CSMD1: variants seen among roughly 807,000 people sequenced by gnomAD.
The protein encoded by CSMD1 is CUB and sushi domain-containing protein 1.
In CSMD1, 213 loss-of-function variants were observed where a neutral mutation model predicts 417.5. That is an observed-to-expected ratio of 0.51 (90% CI 0.46 to 0.57). The LOEUF (loss-of-function observed/expected upper bound fraction) is 0.57, where lower values mean the gene tolerates loss of function less well. Among genes scored for constraint, CSMD1 ranks in the 20% least tolerant of loss-of-function variants. The pLI, the probability that CSMD1 is intolerant of heterozygous loss-of-function variation, is 0.00. For synonymous variants in CSMD1, 2,862 were observed against 1,736.8 expected (o/e 1.65, Z -16.11); for missense variants, 6,923 against 4,529.7 (o/e 1.53, Z -15.17).
intron 3 of CSMD1, among the ~76,000 whole-genome samples, chr8:4,041,069 T>TAC (rs1797865260): frequency 4.3e-5 from 6 of 139,220 alleles, no homozygotes; most frequent in Non-Finnish European, 6.1e-5. Context: ...CAGGCTGGAG[T>TAC]GCAGTGGCGC....
At chr8:3,059,953 G>A (rs902434816) in intron 49 of CSMD1, among the ~76,000 whole-genome samples, 1 of 152,062 alleles carries the variant, frequency 6.6e-6, no homozygotes, top group Non-Finnish European at 1.5e-5. Flanking sequence ...GAGGCACAGT[G>A]GGTACTGCAA....
At chr8:4,262,921 A>T (rs942377108) in intron 3 of CSMD1, among the ~76,000 whole-genome samples, 3 of 152,206 alleles carry the variant, frequency 2.0e-5, no homozygotes, top group African/African-American at 7.2e-5. Flanking sequence ...TAAATTAATG[A>T]TGAACCATAA....
intron 3 of CSMD1, among the ~76,000 whole-genome samples, chr8:4,038,358 A>C (rs1283506931): frequency 2.0e-5 from 3 of 152,196 alleles, no homozygotes; most frequent in Non-Finnish European, 4.4e-5. Flanking sequence ...CTAAAAAATC[A>C]AAAAAACTTG....
chr8:3,649,283 G>A (rs934768395), intron 7 of CSMD1, among the ~76,000 whole-genome samples: 1 of 151,992 alleles, frequency 6.6e-6, no homozygotes, highest in South Asian at 2.1e-4. Context: ...TACTATGTGA[G>A]AACCAAGAAA....
intron 1 of CSMD1, among the ~76,000 whole-genome samples, chr8:4,947,775 G>C (rs956767285): frequency 6.6e-6 from 1 of 151,928 alleles, no homozygotes; most frequent in African/African-American, 2.4e-5. Flanking sequence ...ACTTGAATTT[G>C]CATTTTTTCA....
intron 1 of CSMD1, among the ~76,000 whole-genome samples, chr8:4,982,966 C>T (rs185630886): frequency 2.6e-5 from 4 of 152,106 alleles, no homozygotes; most frequent in South Asian, 2.1e-4. Flanking sequence ...AATTAAAAAG[C>T]GGAGAGATAA....
intron 3 of CSMD1, among the ~76,000 whole-genome samples, chr8:4,220,821 A>G (rs1046616246): frequency 3.9e-5 from 6 of 152,206 alleles, no homozygotes; most frequent in Non-Finnish European, 8.8e-5. Flanking sequence ...GTAAGACACC[A>G]TGGGGCTGAG....
At chr8:3,901,715 G>A (rs139658727) in intron 5 of CSMD1, among the ~76,000 whole-genome samples, 54 of 152,330 alleles carry the variant, frequency 3.5e-4, no homozygotes, top group African/African-American at 1.3e-3. Context: ...GGCAAAGAAT[G>A]GAACAACTGT....
rs551449329 is a variant in CSMD1 at position 3,651,714 on chromosome 8, G to A, written c.1010-34917C>T. ...CATCAGAGCGCTTACCACCATCACAGTGCTTACCAGCAACAGCGTGCTTAC... is the reference window on the plus strand; with the variant it reads ...CATCAGAGCGCTTACCACCATCACAATGCTTACCAGCAACAGCGTGCTTAC... On this transcript the variant is annotated intron_variant, in intron 7 of 69. Coordinates refer to ENST00000635120, the MANE Select transcript of CSMD1 (RefSeq NM_033225.6). Among the ~76,000 whole-genome samples the A allele has an allele frequency of 9.9e-5, 15 of 151,570 alleles. No homozygotes were observed. The East Asian group carries it at 2.7e-3, about 28-fold the overall frequency.
intron 3 of CSMD1, among the ~76,000 whole-genome samples, chr8:4,050,276 G>A (rs528246635): frequency 6.6e-6 from 1 of 152,200 alleles, no homozygotes; most frequent in Non-Finnish European, 1.5e-5. Context: ...TATACTCTTT[G>A]GAAGGGAGGA....
At chr8:3,832,103 T>A (rs1025676977) in intron 5 of CSMD1, among the ~76,000 whole-genome samples, 6 of 152,170 alleles carry the variant, frequency 3.9e-5, no homozygotes, top group African/African-American at 1.2e-4. Context: ...TCCTGCCTTA[T>A]GTGCATGTGG....
chr8:4,365,313 G>C (rs186682418), intron 3 of CSMD1, among the ~76,000 whole-genome samples: 2 of 152,156 alleles, frequency 1.3e-5, no homozygotes, highest in South Asian at 2.1e-4. Context: ...ACCTGATTCT[G>C]AAAACTGTAC....
rs994463676 is a variant in CSMD1, at chr8:2,990,861, C to T, written c.8377+7150G>A. Among the ~76,000 whole-genome samples the T allele has an allele frequency of 1.3e-4, 20 of 152,306 alleles. No homozygotes were observed. In the South Asian group the frequency reaches 2.3e-3, roughly 17 times the overall value. On this transcript the variant is annotated intron_variant, in intron 54 of 69. Coordinates refer to ENST00000635120, the MANE Select transcript of CSMD1 (RefSeq NM_033225.6). ...GAGCAAATGAGATAGTTTGAAACTTCGCATCTGTTAGCTGAGCTTATTGGT... is the reference window on the plus strand; with the variant it reads ...GAGCAAATGAGATAGTTTGAAACTTTGCATCTGTTAGCTGAGCTTATTGGT...
chr8:4,766,646 A>G (rs1812484994), intron 1 of CSMD1, among the ~76,000 whole-genome samples: 1 of 152,136 alleles, frequency 6.6e-6, no homozygotes, highest in African/African-American at 2.4e-5. Flanking sequence ...ATAATAAATA[A>G]CTCAGGCACT....
intron 1 of CSMD1, among the ~76,000 whole-genome samples, chr8:4,911,934 T>C (rs1422221853): frequency 6.6e-6 from 1 of 151,874 alleles, no homozygotes; most frequent in Non-Finnish European, 1.5e-5. Context: ...ATATTTTAGC[T>C]TGTACTATTT....
At chr8:4,700,341 A>G (rs1453570191) in intron 1 of CSMD1, among the ~76,000 whole-genome samples, 1 of 151,952 alleles carries the variant, frequency 6.6e-6, no homozygotes, top group African/African-American at 2.4e-5. Flanking sequence ...TCTATTATTT[A>G]TAATACATAT....
At position 3,333,745 on chromosome 8, in the gene CSMD1, C is replaced by G. The variant is rs534150818; in HGVS notation, c.3631+9549G>C. On this transcript the variant is annotated intron_variant, in intron 23 of 69. Coordinates refer to ENST00000635120, the MANE Select transcript of CSMD1 (RefSeq NM_033225.6). ...GTTGTGAATAATTTTTAAAACTACT[C>G]ACTGGATGAAAAGATGCTTTGACTC... Among the ~76,000 whole-genome samples the G allele has an allele frequency of 3.3e-5, 5 of 152,290 alleles. No individual in the cohort carries two copies. In the South Asian group the frequency reaches 1.0e-3, roughly 32 times the overall value.
chr8:4,537,360 A>C (rs929532721), intron 2 of CSMD1, among the ~76,000 whole-genome samples: 3 of 152,196 alleles, frequency 2.0e-5, no homozygotes, highest in African/African-American at 7.2e-5. Flanking sequence ...TTATATAAAG[A>C]AAGTTGTGCT....
chr8:3,680,118 T>C (rs563820823), intron 7 of CSMD1, among the ~76,000 whole-genome samples: 7 of 151,850 alleles, frequency 4.6e-5, no homozygotes, highest in African/African-American at 1.5e-4. Context: ...ACATCACAAT[T>C]GAAACAACTA....
Sources: allele counts gnomAD v4.1 joint callset (sites outside exome capture counted in the v4.1 genomes callset), GRCh38; gene constraint gnomAD v4.1.1; transcripts MANE v1.5; gene names NCBI Gene and HGNC (gene_info 2026-07-23, HGNC 2026-07-21).